NDST4: variants seen among roughly 807,000 people sequenced by gnomAD.
The protein encoded by NDST4 is N-deacetylase and N-sulfotransferase 4.
In NDST4, 63 loss-of-function variants were observed where a neutral mutation model predicts 100.8. That is an observed-to-expected ratio of 0.62 (90% CI 0.51 to 0.77). The LOEUF (loss-of-function observed/expected upper bound fraction) is 0.77, where lower values mean the gene tolerates loss of function less well. Ranked by LOEUF, NDST4 falls within the 30% of genes least tolerant of loss-of-function variation. The pLI is 0.00. For synonymous variants in NDST4, 377 were observed against 361.8 expected (o/e 1.04, Z -0.48); for missense variants, 943 against 1,018.4 (o/e 0.93, Z 1.01).
intron 2 of NDST4, among the ~76,000 whole-genome samples, chr4:115,022,375 G>A (rs62315299): frequency 0.71 from 63,468 of 89,246 alleles, 20,433 homozygotes; most frequent in Non-Finnish European, 0.74. Context: ...TGTGTTCCAT[G>A]TACATATGTG....
intron 2 of NDST4, among the ~76,000 whole-genome samples, chr4:115,006,070 A>G (rs1578447190): frequency 1.3e-5 from 2 of 151,104 alleles, no homozygotes; most frequent in South Asian, 2.1e-4. Flanking sequence ...AAGGAGAGAT[A>G]GAAAAAAGAG....
chr4:114,829,677 T>C, intron 13 of NDST4, 113 bp downstream of exon 13: 1 of 653,176 alleles, frequency 1.5e-6, no homozygotes, highest in Non-Finnish European at 2.6e-6. Context: ...TATATAAAAT[T>C]ATTAATTGCA....
intron 2 of NDST4, among the ~76,000 whole-genome samples, chr4:115,029,359 T>G (rs1016363385): frequency 2.6e-5 from 4 of 152,098 alleles, no homozygotes; most frequent in African/African-American, 9.7e-5. Flanking sequence ...TGGCACAGGT[T>G]AAGGCATTGG....
intron 10 of NDST4, among the ~76,000 whole-genome samples, chr4:114,840,598 T>C (rs1723404536): frequency 6.6e-6 from 1 of 152,184 alleles, no homozygotes; most frequent in African/African-American, 2.4e-5. Context: ...AAGATTGTGA[T>C]AATCAGAAAA....
chr4:114,865,046 C>G lies in NDST4; in HGVS notation c.1719+5722G>C, dbSNP rs560005455. On this transcript the variant is annotated intron_variant, in intron 7 of 13. Transcript: ENST00000264363. ...ACCCCAAGAGAAGGTGGCATATTTA[C>G]TTTGTAGCGCTATCATTTTTTTTTC... 1.3e-3 allele frequency among the ~76,000 whole-genome samples: 196 copies of G among 151,542 alleles called. 1 individual carries two copies. The highest frequency in any genetic ancestry group is 4.6e-3 in the African/African-American group (190 of 41,132).
At chr4:114,988,379 T>TTTTTTTTTTAA (rs1491141214) in intron 2 of NDST4, among the ~76,000 whole-genome samples, 1 of 144,150 alleles carries the variant, frequency 6.9e-6, no homozygotes, top group African/African-American at 2.6e-5. Context: ...TTTTTTTTTT[T>TTTTTTTTTTAA]GAGACAGAGT....
chr4:115,015,532 A>G (rs1488516081), intron 2 of NDST4, among the ~76,000 whole-genome samples: 1 of 152,082 alleles, frequency 6.6e-6, no homozygotes, highest in Non-Finnish European at 1.5e-5. Flanking sequence ...AGGAAAAATA[A>G]TTGAAAAATT....
At chr4:115,070,187 G>A (rs975421962) in intron 2 of NDST4, among the ~76,000 whole-genome samples, 5 of 152,148 alleles carry the variant, frequency 3.3e-5, no homozygotes, top group African/African-American at 1.2e-4. Context: ...TCTATTAATG[G>A]TAGGATGGAT....
At chr4:114,868,844 C>G (rs182934975) in intron 7 of NDST4, among the ~76,000 whole-genome samples, 1 of 151,216 alleles carries the variant, frequency 6.6e-6, no homozygotes, top group African/African-American at 2.4e-5. Flanking sequence ...TTTGTAAACT[C>G]TATGTTATCT....
intron 1 of NDST4, among the ~76,000 whole-genome samples, chr4:115,100,644 G>C (rs550529924): frequency 6.6e-6 from 1 of 151,924 alleles, no homozygotes. Context: ...TGTTCTTCAC[G>C]TATATTTCCT....
chr4:114,851,534 T>C (rs74948632), intron 8 of NDST4, among the ~76,000 whole-genome samples: 3,032 of 152,294 alleles, frequency 0.02, 132 homozygotes, highest in South Asian at 0.18. Context: ...GTTACTAAGC[T>C]GTAATTTTTT....
In NDST4 at chr4:114,900,785, T is replaced by C. The variant is rs149327915; in HGVS notation, c.1537-29835A>G. Among the ~76,000 whole-genome samples, 817 of 152,306 alleles carry C rather than the reference T, an allele frequency of 5.4e-3. 10 individuals are homozygous for C. Among genetic ancestry groups the C allele is most frequent in the African/African-American group, 0.018 (766 of 41,590 alleles). On this transcript the variant is annotated intron_variant, in intron 6 of 13. Transcript: ENST00000264363. ...ATGACTGTACATGCATTCAGTGATA[T>C]AGATTTTCTTATAAGCACTGCTTTT...
At chr4:114,845,742 A>C in intron 10 of NDST4, 81 bp downstream of exon 10, 1 of 1,262,564 alleles carries the variant, frequency 7.9e-7, no homozygotes, top group Non-Finnish European at 1.1e-6. Flanking sequence ...TCATATGTTT[A>C]GGTTCTATTC....
chr4:115,113,392 A>G (rs1227652593), intron 1 of NDST4, 52 bp downstream of exon 1: 3 of 152,006 alleles, frequency 2.0e-5, no homozygotes, highest in Admixed American at 1.3e-4. Context: ...TAAGCAACGC[A>G]TATTCATTTA....
chr4:114,959,164 G>A (rs1009180410), intron 4 of NDST4, among the ~76,000 whole-genome samples: 8 of 152,002 alleles, frequency 5.3e-5, no homozygotes, highest in Admixed American at 3.9e-4. Flanking sequence ...CAGTATTTTG[G>A]TCAAAGCCAT....
chr4:114,887,116 T>A lies in NDST4; in HGVS notation c.1537-16166A>T, dbSNP rs564102637. Among the ~76,000 whole-genome samples the A allele has an allele frequency of 6.6e-5, 10 of 152,312 alleles. No homozygotes were observed. In the South Asian group the frequency reaches 2.1e-3, roughly 32 times the overall value. ...CAAAAGAGGCTAATGTGAAATCCAA[T>A]ATTCCTCAATGTGCTAAAGATTTAT... is the stretch of plus-strand genomic sequence containing the variant. On this transcript the variant is annotated intron_variant, in intron 6 of 13. Transcript: ENST00000264363.
chr4:114,970,804 C>G (rs1340143946), intron 3 of NDST4, among the ~76,000 whole-genome samples: 2 of 152,030 alleles, frequency 1.3e-5, no homozygotes, highest in East Asian at 3.9e-4. Context: ...CCAGGTCAGA[C>G]AGTTGTTTAA....
chr4:114,941,254 T>A (rs1725743868), intron 4 of NDST4, among the ~76,000 whole-genome samples: 1 of 152,198 alleles, frequency 6.6e-6, no homozygotes. Flanking sequence ...TTCACAAGTG[T>A]CTGAGCTATA....
chr4:114,967,620 T>C (rs279534), intron 4 of NDST4, among the ~76,000 whole-genome samples: 34,014 of 152,050 alleles, frequency 0.22, 4,181 homozygotes, highest in South Asian at 0.41. Context: ...ATGTTTTATT[T>C]TCAAGGTAAG....
Sources: allele counts gnomAD v4.1 joint callset (sites outside exome capture counted in the v4.1 genomes callset), GRCh38; gene constraint gnomAD v4.1.1; transcripts MANE v1.5; gene names NCBI Gene and HGNC (gene_info 2026-07-23, HGNC 2026-07-21).